FAM135A: variants seen among roughly 807,000 people sequenced by gnomAD.
The protein encoded by FAM135A is family with sequence similarity 135 member A, also known as protein FAM135A.
In FAM135A, 79 loss-of-function variants were observed where a neutral mutation model predicts 146.8. The ratio of observed to expected loss-of-function variants is 0.54; its 90% confidence interval spans 0.45 to 0.65. FAM135A has a LOEUF of 0.65. Ranked by LOEUF, FAM135A falls within the 30% of genes least tolerant of loss-of-function variation. FAM135A has a pLI of 0.00. For missense variants in FAM135A, 1,623 were observed against 1,758.2 expected, an observed-to-expected ratio of 0.92 and a Z score of 1.38; for synonymous variants, 562 against 603.6, an observed-to-expected ratio of 0.93 and a Z score of 1.01.
chr6:70,474,932 C>G (rs1782332622), intron 5 of FAM135A, among the ~76,000 whole-genome samples: 2 of 152,152 alleles, frequency 1.3e-5, no homozygotes, highest in Admixed American at 1.3e-4. Context: ...GGCCAGCCCC[C>G]ATCCTGAGTC....
chr6:70,554,740 G>T (rs112843783), intron 20 of FAM135A, among the ~76,000 whole-genome samples: 19,149 of 152,094 alleles, frequency 0.13, 1,478 homozygotes, highest in Middle Eastern at 0.19. Flanking sequence ...CGATTCTCCT[G>T]CCTCAGCCTC....
At chr6:70,438,322 C>T (rs1318372522) in intron 4 of FAM135A, among the ~76,000 whole-genome samples, 2 of 152,192 alleles carry the variant, frequency 1.3e-5, no homozygotes, top group Non-Finnish European at 2.9e-5. Context: ...AGTAGTTTTA[C>T]TTTCTGTGGT....
At chr6:70,437,864 C>A (rs1773548788) in intron 4 of FAM135A, among the ~76,000 whole-genome samples, 1 of 152,020 alleles carries the variant, frequency 6.6e-6, no homozygotes, top group Non-Finnish European at 1.5e-5. Context: ...CTTTATTTCT[C>A]TATATTTATT....
At chr6:70,521,458 A>G in intron 12 of FAM135A, among the ~76,000 whole-genome samples, 1 of 152,336 alleles carries the variant, frequency 6.6e-6, no homozygotes, top group East Asian at 1.9e-4. Flanking sequence ...CACAGAATGC[A>G]TCCTTCTCAT....
At chr6:70,463,572 T>A (rs1779833699) in intron 5 of FAM135A, among the ~76,000 whole-genome samples, 1 of 152,162 alleles carries the variant, frequency 6.6e-6, no homozygotes, top group Non-Finnish European at 1.5e-5. Context: ...TAGCATTTTC[T>A]ATGTACCTCT....
intron 20 of FAM135A, among the ~76,000 whole-genome samples, chr6:70,555,741 AT>A (rs1210203933): frequency 6.6e-6 from 1 of 151,864 alleles, no homozygotes; most frequent in Non-Finnish European, 1.5e-5. Context: ...GGGGGGAGTC[AT>A]TTTTTCTTAA....
rs759516112 is a variant in FAM135A at position 70,486,274 on chromosome 6, TC to T, written c.823+4123del. On this transcript the variant is annotated intron_variant, in intron 10 of 21. Transcript: ENST00000418814. ...GTTTACAAATAGCTTAAGTAAATGA[TC>T]CCTTTTAATTAAAAAGTATGAAATT... 1.7e-4 allele frequency: 275 copies of T among 1,586,940 alleles called. 1 individual carries two copies. Among genetic ancestry groups the T allele is most frequent in the Non-Finnish European group, 5.8e-5 (67 of 1,158,680 alleles).
Position 70,524,360 on chromosome 6 carries a change from A to G in FAM135A, c.1276A>G (p.Met426Val). 1 of 1,491,352 alleles carries G rather than the reference A, an allele frequency of 6.7e-7. No homozygotes were observed. The highest frequency in any genetic ancestry group is 8.9e-7 in the Non-Finnish European group (1 of 1,125,908). 92.4% of individuals were successfully genotyped at this position (1,491,352 alleles called of 1,614,324 possible). The stretch of plus-strand genomic sequence containing the variant: ...GATAAAAGACTTAGATGCACCCTGG[A>G]TGGGAATTCAGAATCTTCAGAGATC... ...SVTEDLDAPW[M>V]GIQNLQRSES... The change falls in exon 15 of 22, where the codon ATG (methionine) becomes GTG (valine). Residue 426 changes from methionine (M) to valine (V), a missense_variant. Physicochemically the swap from Met to Val is conservative, Grantham distance 21. Around this residue, in one of 7 missense-constraint regions of FAM135A, gnomAD observed 1,061 missense variants for 1,113.8 expected, o/e 0.95. Coordinates refer to ENST00000418814, the MANE Select transcript of FAM135A (RefSeq NM_001162529.3).
Position 70,526,339 on chromosome 6 carries a change from T to C in FAM135A, c.3255T>C (p.Asp1085=), listed in dbSNP as rs1168246524. The change falls in exon 15 of 22, where the codon GAT becomes GAC. Residue 1085 remains aspartate, a synonymous_variant. Transcript: ENST00000418814. ...SNLQQEQDKE[D]EEEEQDQQMV... is the part of the protein sequence containing the mutation. The stretch of plus-strand genomic sequence containing the variant: ...TTCAGCAGGAACAGGATAAAGAGGA[T>C]GAGGAGGAAGAGCAGGATCAACAAA... The C allele has an allele frequency of 6.2e-7, 1 of 1,613,188 alleles. No homozygotes were observed. The highest frequency in any genetic ancestry group is 1.3e-5 in the African/African-American group (1 of 74,806).
At chr6:70,460,452 T>C (rs1779213893) in intron 5 of FAM135A, among the ~76,000 whole-genome samples, 1 of 152,256 alleles carries the variant, frequency 6.6e-6, no homozygotes, top group Admixed American at 6.5e-5. Flanking sequence ...ATATCCTGTT[T>C]TGTAACTAGT....
intron 20 of FAM135A, among the ~76,000 whole-genome samples, chr6:70,555,393 G>A (rs925560357): frequency 2.6e-5 from 4 of 152,100 alleles, no homozygotes; most frequent in Non-Finnish European, 4.4e-5. Flanking sequence ...AGCCTCCTGA[G>A]TGAGACTACA....
chr6:70,464,663 TTTTC>T (rs1385363528), intron 5 of FAM135A, among the ~76,000 whole-genome samples: 15 of 107,420 alleles, frequency 1.4e-4, no homozygotes, highest in African/African-American at 4.8e-4. Flanking sequence ...TCTTTCTTTT[TTTTC>T]TTTTTTTTTT....
chr6:70,434,028 A>G (rs2127832972), intron 4 of FAM135A, among the ~76,000 whole-genome samples: 1 of 152,334 alleles, frequency 6.6e-6, no homozygotes, highest in African/African-American at 2.4e-5. Context: ...ATTGTAAAGC[A>G]CTGATCATAA....
intron 18 of FAM135A, 47 bp downstream of exon 18, chr6:70,533,901 T>A: frequency 9.8e-7 from 1 of 1,017,304 alleles, no homozygotes; most frequent in South Asian, 2.1e-5. Flanking sequence ...TTCTATGAAT[T>A]GTATAAAAGT....
chr6:70,475,146 C>A (rs1206649398), intron 5 of FAM135A, among the ~76,000 whole-genome samples: 1 of 152,204 alleles, frequency 6.6e-6, no homozygotes, highest in East Asian at 1.9e-4. Flanking sequence ...CAGTTGTTCA[C>A]TCTAAAATTT....
intron 5 of FAM135A, among the ~76,000 whole-genome samples, chr6:70,469,425 T>G (rs556562046): frequency 6.6e-6 from 1 of 152,314 alleles, no homozygotes; most frequent in South Asian, 2.1e-4. Flanking sequence ...CTGAAATCAT[T>G]CACAGCAATT....
chr6:70,494,624 AT>A (rs1270584791), intron 11 of FAM135A, among the ~76,000 whole-genome samples: 1 of 151,998 alleles, frequency 6.6e-6, no homozygotes, highest in Non-Finnish European at 1.5e-5. Context: ...ATTATTATTT[AT>A]TTTGGTATTT....
intron 2 of FAM135A, among the ~76,000 whole-genome samples, chr6:70,423,115 A>G (rs1769226838): frequency 6.6e-6 from 1 of 152,228 alleles, no homozygotes; most frequent in South Asian, 2.1e-4. Context: ...AGAATGTTCC[A>G]GGGAACAACG....
rs1788814307 is a variant in FAM135A at position 70,502,626 on chromosome 6, T to A, written c.874-10T>A. 1 of 1,600,360 alleles carries A rather than the reference T, an allele frequency of 6.2e-7. No homozygotes were observed. Among genetic ancestry groups the A allele is most frequent in the Non-Finnish European group, 8.5e-7 (1 of 1,175,542 alleles). On this transcript the variant is annotated splice_polypyrimidine_tract_variant and intron_variant, in intron 11 of 21. Transcript: ENST00000418814. ...GGGAAATAGTGAAATTTTTTTTCTT[T>A]TCATTTCAGAAAATAGAGAATCCTG... is the stretch of plus-strand genomic sequence containing the variant.
Sources: allele counts gnomAD v4.1 joint callset (sites outside exome capture counted in the v4.1 genomes callset), GRCh38; gene constraint gnomAD v4.1.1; regional missense constraint gnomAD v4.1.1; transcripts MANE v1.5; gene names NCBI Gene and HGNC (gene_info 2026-07-23, HGNC 2026-07-21).